Variants in TRABD2B observed in about 807,000 individuals in gnomAD.
TRABD2B encodes TraB domain containing 2B, also known as metalloprotease TIKI2.
Under a neutral mutation model 40.1 loss-of-function variants are expected in TRABD2B, and 14 were observed. The ratio of observed to expected loss-of-function variants is 0.35; its 90% CI spans 0.23 to 0.55. The LOEUF (loss-of-function observed/expected upper bound fraction) is 0.55, where lower values mean the gene tolerates loss of function less well. Ranked by LOEUF, TRABD2B falls within the 20% of genes least tolerant of loss-of-function variation. The pLI, the probability that TRABD2B is intolerant of heterozygous loss-of-function variation, is 0.90. For missense variants in TRABD2B, 541 were observed against 648.6 expected, an observed-to-expected ratio of 0.83 and a Z score of 1.80; for synonymous variants, 263 against 277.0, an observed-to-expected ratio of 0.95 and a Z score of 0.50.
chr1:47,850,511 C>T (rs566883598), intron 2 of TRABD2B, among the ~76,000 whole-genome samples: 6 of 152,338 alleles, frequency 3.9e-5, no homozygotes, highest in African/African-American at 1.4e-4. Context: ...GCTCTCCACC[C>T]TAAGGGCACA....
intron 2 of TRABD2B, among the ~76,000 whole-genome samples, chr1:47,910,851 G>A (rs1485209104): frequency 1.3e-5 from 2 of 152,196 alleles, no homozygotes; most frequent in African/African-American, 4.8e-5. Context: ...ACCCAGAAGA[G>A]ACCCCATTTC....
chr1:47,793,280 T>C (rs3850887), intron 4 of TRABD2B, among the ~76,000 whole-genome samples: 102,764 of 152,078 alleles, frequency 0.68, 35,264 homozygotes, highest in East Asian at 0.97. Flanking sequence ...GCAGAGATCC[T>C]GCATGAACCC....
chr1:47,887,859 T>G (rs1298496346), intron 2 of TRABD2B, among the ~76,000 whole-genome samples: 2 of 152,156 alleles, frequency 1.3e-5, no homozygotes, highest in Non-Finnish European at 2.9e-5. Flanking sequence ...CCCTGACAGC[T>G]TCCTCTCTCA....
At chr1:47,874,297 C>T (rs1170279390) in intron 2 of TRABD2B, among the ~76,000 whole-genome samples, 5 of 114,944 alleles carry the variant, frequency 4.3e-5, no homozygotes, top group Admixed American at 2.7e-4. Flanking sequence ...CTCGCTCTGT[C>T]GCCCAGGCCG....
At chr1:47,930,790 C>T (rs1645030121) in intron 2 of TRABD2B, among the ~76,000 whole-genome samples, 1 of 152,142 alleles carries the variant, frequency 6.6e-6, no homozygotes, top group Non-Finnish European at 1.5e-5. Flanking sequence ...TCATGTCCCT[C>T]CCTTTACAGA....
chr1:47,974,380 C>T (rs1048041531), intron 2 of TRABD2B, among the ~76,000 whole-genome samples: 1 of 152,160 alleles, frequency 6.6e-6, no homozygotes. Flanking sequence ...GGCTCCTCCT[C>T]ATCCTTCTGG....
At chr1:47,923,101 G>T (rs1334462948) in intron 2 of TRABD2B, among the ~76,000 whole-genome samples, 1 of 152,182 alleles carries the variant, frequency 6.6e-6, no homozygotes, top group African/African-American at 2.4e-5. Flanking sequence ...TCCTTGGCCT[G>T]AAACCTTCCT....
intron 2 of TRABD2B, among the ~76,000 whole-genome samples, chr1:47,930,820 A>C (rs1458694850): frequency 6.6e-6 from 1 of 152,096 alleles, no homozygotes; most frequent in East Asian, 1.9e-4. Flanking sequence ...TGAGGCCCAG[A>C]AAGGAAAAGG....
intron 2 of TRABD2B, among the ~76,000 whole-genome samples, chr1:47,845,634 A>C (rs558142128): frequency 1.2e-4 from 19 of 152,174 alleles, no homozygotes; most frequent in Non-Finnish European, 2.5e-4. Flanking sequence ...ATAATAAACT[A>C]TCTCTCCTCA....
rs80045030 is a variant in TRABD2B at position 47,895,373 on chromosome 1, C to T, written c.667-93754G>A. ...GCGAGCTGTGGGTTGCTCTGCTGAGCGGAGGGAAGCATGTACACTTCCAAG... is the reference window on the plus strand; with the variant it reads ...GCGAGCTGTGGGTTGCTCTGCTGAGTGGAGGGAAGCATGTACACTTCCAAG... On this transcript the variant is annotated intron_variant, in intron 2 of 6. Coordinates refer to ENST00000606738, the MANE Select transcript of TRABD2B (RefSeq NM_001194986.2). Among the ~76,000 whole-genome samples, 155 of 152,274 alleles carry T rather than the reference C, an allele frequency of 1.0e-3. 2 individuals are homozygous for T. The East Asian group carries it at 0.023, about 22-fold the overall frequency.
intron 2 of TRABD2B, among the ~76,000 whole-genome samples, chr1:47,822,145 C>A (rs1645119033): frequency 4.9e-5 from 1 of 20,256 alleles, no homozygotes; most frequent in African/African-American, 9.0e-5. Flanking sequence ...CATGTGTGTA[C>A]ACGTACACAC....
rs552204308 is a variant in TRABD2B, at chr1:47,988,604, C to T, written c.666+5430G>A. On this transcript the variant is annotated intron_variant, in intron 2 of 6. Transcript: ENST00000606738. Reference sequence around the variant, plus strand: ...CCCACTGGAACCAACAGGCTCTGGACAAATAGGTATCAGCAGCAACTGCCA... The same window carrying T: ...CCCACTGGAACCAACAGGCTCTGGATAAATAGGTATCAGCAGCAACTGCCA... 6.6e-5 allele frequency among the ~76,000 whole-genome samples: 10 copies of T among 152,262 alleles called. No homozygotes were observed. The South Asian group carries it at 2.1e-3, about 32-fold the overall frequency.
chr1:47,794,468 G>T, intron 4 of TRABD2B, 118 bp downstream of exon 4: 1 of 1,177,750 alleles, frequency 8.5e-7, no homozygotes, highest in Non-Finnish European at 1.1e-6. Flanking sequence ...AGCACTGTGT[G>T]GCTTTTCCTG....
chr1:47,784,297 C>A (rs1473086477), intron 4 of TRABD2B, among the ~76,000 whole-genome samples: 1 of 152,178 alleles, frequency 6.6e-6, no homozygotes, highest in East Asian at 1.9e-4. Flanking sequence ...CATTTGGGGG[C>A]AGGAAATTGT....
intron 2 of TRABD2B, among the ~76,000 whole-genome samples, chr1:47,898,048 T>G: frequency 6.6e-6 from 1 of 152,248 alleles, no homozygotes; most frequent in East Asian, 1.9e-4. Flanking sequence ...ACACAGGTTG[T>G]TGGGTGGCAC....
At chr1:47,878,245 A>G (rs947746191) in intron 2 of TRABD2B, among the ~76,000 whole-genome samples, 1 of 151,998 alleles carries the variant, frequency 6.6e-6, no homozygotes, top group African/African-American at 2.4e-5. Context: ...GAACCCGAGA[A>G]GCGGAGGTTG....
intron 3 of TRABD2B, 41 bp from the exon 4 acceptor site, chr1:47,794,801 T>TG: frequency 6.9e-7 from 1 of 1,454,550 alleles, no homozygotes; most frequent in African/African-American, 1.5e-5. Flanking sequence ...TTTTTTTTTT[T>TG]TTTTTTTTTT....
At chr1:47,978,166 T>C (rs1645786142) in intron 2 of TRABD2B, among the ~76,000 whole-genome samples, 2 of 152,190 alleles carry the variant, frequency 1.3e-5, no homozygotes, top group African/African-American at 4.8e-5. Flanking sequence ...ATAGTATTAG[T>C]GCATTTATAA....
At chr1:47,766,934 C>A (rs1273026331) in intron 6 of TRABD2B, among the ~76,000 whole-genome samples, 3 of 152,172 alleles carry the variant, frequency 2.0e-5, no homozygotes, top group African/African-American at 7.2e-5. Context: ...AGAGTCAGGG[C>A]AGGAGCCAAC....
Sources: allele counts gnomAD v4.1 joint callset (sites outside exome capture counted in the v4.1 genomes callset), GRCh38; gene constraint gnomAD v4.1.1; transcripts MANE v1.5; gene names NCBI Gene and HGNC (gene_info 2026-07-23, HGNC 2026-07-21).